DYSF: variants seen among roughly 807,000 people sequenced by gnomAD.
The protein encoded by DYSF is dystrophy-associated fer-1-like 1.
A neutral mutation model predicts 274.9 loss-of-function variants in DYSF; 212 were observed. The ratio of observed to expected loss-of-function variants is 0.77; its 90% CI spans 0.69 to 0.86. The LOEUF (loss-of-function observed/expected upper bound fraction) is 0.86. DYSF is among the 40% of genes least tolerant of loss of function. The pLI, the probability that DYSF is intolerant of heterozygous loss-of-function variation, is 0.00. For synonymous variants in DYSF, 1,091 were observed against 1,078.7 expected, an observed-to-expected ratio of 1.01 and a Z score of -0.22; for missense variants, 2,666 against 2,783.2, an observed-to-expected ratio of 0.96 and a Z score of 0.95.
chr2:71,543,221 C>T (rs533679974), intron 17 of DYSF, among the ~76,000 whole-genome samples: 1,238 of 36,054 alleles, frequency 0.034, 15 homozygotes, highest in African/African-American at 0.07. Context: ...ACCTCCCAGA[C>T]GGGGTCGCGG....
intron 1 of DYSF, among the ~76,000 whole-genome samples, chr2:71,457,279 G>A (rs569703037): frequency 2.6e-5 from 4 of 152,280 alleles, no homozygotes; most frequent in South Asian, 4.1e-4. Flanking sequence ...AGCATATGTG[G>A]TAGCAACTGT....
intron 3 of DYSF, 35 bp downstream of exon 3, chr2:71,482,005 A>T (rs770060172): frequency 2.0e-4 from 316 of 1,561,542 alleles, no homozygotes; most frequent in Middle Eastern, 1.3e-3. Flanking sequence ...CCATGGCTTG[A>T]AGGTGCAGGT....
At position 71,551,707 on chromosome 2, in the gene DYSF, T is replaced by C; in HGVS notation, c.1793T>C (p.Ile598Thr). 3 of 1,606,064 alleles carry C rather than the reference T, an allele frequency of 1.9e-6. No individual in the cohort carries two copies. Among genetic ancestry groups the C allele is most frequent in the Non-Finnish European group, 8.5e-7 (1 of 1,178,052 alleles). ...QKVEDLPADD[I>T]LRVEKYLRRR... ...GTGGAGGACCTTCCTGCGGATGACATCCTCCGGGTGGAGGTGAGGGGTGTG... is the reference window on the plus strand; with the variant it reads ...GTGGAGGACCTTCCTGCGGATGACACCCTCCGGGTGGAGGTGAGGGGTGTG... The change falls in exon 19 of 56, where the codon ATC becomes ACC. Residue 598 changes from isoleucine (I) to threonine (T), a missense_variant. By Grantham distance (89) the Ile-to-Thr change is moderately conservative. Transcript: ENST00000410020.
intron 3 of DYSF, among the ~76,000 whole-genome samples, chr2:71,495,925 G>A (rs1477474422): frequency 6.6e-6 from 1 of 151,834 alleles, no homozygotes; most frequent in East Asian, 2.0e-4. Flanking sequence ...TCTCTTCTGG[G>A]TCCTCAGGCA....
At chr2:71,641,896 T>A (rs1277335620) in intron 41 of DYSF, among the ~76,000 whole-genome samples, 1 of 152,230 alleles carries the variant, frequency 6.6e-6, no homozygotes, top group African/African-American at 2.4e-5. Context: ...TTTACTGAGA[T>A]TTGCTCTGTG....
intron 36 of DYSF, among the ~76,000 whole-genome samples, chr2:71,603,749 C>T (rs2093596897): frequency 6.6e-6 from 1 of 152,200 alleles, no homozygotes; most frequent in Non-Finnish European, 1.5e-5. Context: ...AGGTGGAGTC[C>T]TGTCCAGGGA....
intron 35 of DYSF, among the ~76,000 whole-genome samples, chr2:71,601,855 C>G (rs1381750598): frequency 6.6e-6 from 1 of 152,218 alleles, no homozygotes; most frequent in African/African-American, 2.4e-5. Context: ...TAATGCACAT[C>G]CAGGACTGAG....
chr2:71,504,433 G>C (rs544362177), intron 4 of DYSF, among the ~76,000 whole-genome samples: 2 of 152,290 alleles, frequency 1.3e-5, no homozygotes, highest in Non-Finnish European at 2.9e-5. Flanking sequence ...TTCTGGTTTA[G>C]AGCAGTATTC....
chr2:71,683,025 T>A (rs2095314995), intron 55 of DYSF, among the ~76,000 whole-genome samples: 1 of 151,880 alleles, frequency 6.6e-6, no homozygotes, highest in Middle Eastern at 3.4e-3. Flanking sequence ...GGAAGGGAGG[T>A]GTGGAACTGG....
At chr2:71,635,926 G>A (rs1020493083) in intron 41 of DYSF, among the ~76,000 whole-genome samples, 2 of 152,118 alleles carry the variant, frequency 1.3e-5, no homozygotes, top group African/African-American at 4.8e-5. Context: ...TCTTGAGACG[G>A]GATTGTGATT....
chr2:71,632,659 T>C lies in DYSF; in HGVS notation c.4528-11306T>C, dbSNP rs1301658920. ...TAGTCATGTTTTGTTGCTTTCTTCA[T>C]ATGTTTGAAGAGTCTGATGGAAGCT... On this transcript the variant is annotated intron_variant, in intron 41 of 55. Coordinates refer to ENST00000410020, the MANE Select transcript of DYSF (RefSeq NM_001130987.2). 5.3e-5 allele frequency among the ~76,000 whole-genome samples: 8 copies of C among 152,364 alleles called. No homozygotes were observed. In the East Asian group the frequency reaches 1.5e-3, roughly 29 times the overall value.
intron 3 of DYSF, among the ~76,000 whole-genome samples, chr2:71,497,091 C>A (rs1433900962): frequency 1.3e-5 from 2 of 152,302 alleles, no homozygotes; most frequent in African/African-American, 4.8e-5. Context: ...GACTAGTGTC[C>A]TAATATGTAC....
intron 4 of DYSF, among the ~76,000 whole-genome samples, chr2:71,507,813 CT>C (rs1030268786): frequency 4.6e-5 from 7 of 152,348 alleles, no homozygotes; most frequent in African/African-American, 1.7e-4. Flanking sequence ...TCATGCTTGG[CT>C]TAATTCTCTT....
chr2:71,568,522 G>C (rs916561115), intron 26 of DYSF, among the ~76,000 whole-genome samples, 184 bp downstream of exon 26: 10 of 152,146 alleles, frequency 6.6e-5, no homozygotes, highest in African/African-American at 2.4e-4. Flanking sequence ...TTCCAGAAGG[G>C]CTTGGATGGT....
chr2:71,563,635 G>A (rs1404415946), intron 23 of DYSF, among the ~76,000 whole-genome samples: 3 of 152,176 alleles, frequency 2.0e-5, no homozygotes, highest in Non-Finnish European at 4.4e-5. Context: ...CCCGCTCTTG[G>A]GGCTGAGGAA....
Position 71,556,080 on chromosome 2 carries a change from G to C in DYSF, c.2216+9G>C. 1 of 1,557,376 alleles carries C rather than the reference G, an allele frequency of 6.4e-7. No homozygotes were observed. Among genetic ancestry groups the C allele is most frequent in the Non-Finnish European group, 8.7e-7 (1 of 1,150,150 alleles). Reference sequence around the variant, plus strand: ...CTCATCGCAGGCTGCAGGTAGGGGGGACCTGGCGCCCCTGGTGCCCACCTC... The same window carrying C: ...CTCATCGCAGGCTGCAGGTAGGGGGCACCTGGCGCCCCTGGTGCCCACCTC... On this transcript the variant is annotated intron_variant, in intron 22 of 55. Transcript: ENST00000410020.
upstream of DYSF, among the ~76,000 whole-genome samples, chr2:71,464,136 G>T (rs1415450083): frequency 6.6e-6 from 1 of 152,148 alleles, no homozygotes; most frequent in Non-Finnish European, 1.5e-5. Flanking sequence ...ACCCTCTGTG[G>T]TCTCTACCCC....
intron 3 of DYSF, among the ~76,000 whole-genome samples, chr2:71,493,870 A>AAAAAAAAAAAAG (rs2084118269): frequency 6.9e-6 from 1 of 144,006 alleles, no homozygotes; most frequent in Non-Finnish European, 1.5e-5. Flanking sequence ...AAAAAAAAAA[A>AAAAAAAAAAAAG]AAAAGAAAGA....
At chr2:71,576,688 C>T (rs2092709726) in intron 30 of DYSF, among the ~76,000 whole-genome samples, 1 of 152,064 alleles carries the variant, frequency 6.6e-6, no homozygotes, top group African/African-American at 2.4e-5. Context: ...AAGGCTGGAG[C>T]GGGGAGCCGA....
Sources: gnomAD v4.1 joint callset for allele counts (sites outside exome capture counted in the v4.1 genomes callset) on GRCh38, gnomAD v4.1.1 for gene constraint, MANE v1.5 for transcripts, NCBI Gene and HGNC (gene_info 2026-07-23, HGNC 2026-07-21) for gene names.